Variants in SV2B observed in about 807,000 individuals in gnomAD.
SV2B encodes the protein synaptic vesicle glycoprotein 2B.
Under a neutral mutation model 73.9 loss-of-function variants are expected in SV2B, and 41 were observed. The observed-to-expected ratio is 0.56, with a 90% CI of 0.43 to 0.72. The LOEUF is 0.72. Among genes scored for constraint, SV2B ranks in the 30% least tolerant of loss-of-function variants. The pLI is 0.00. For synonymous variants in SV2B, 314 were observed against 314.2 expected (o/e 1.00, Z 0.01); for missense variants, 764 against 857.8 (o/e 0.89, Z 1.37).
At chr15:91,274,677 C>T (rs916112824) in intron 9 of SV2B, among the ~76,000 whole-genome samples, 2 of 152,018 alleles carry the variant, frequency 1.3e-5, no homozygotes, top group African/African-American at 4.8e-5. Context: ...TTCATCTCAC[C>T]AGCTATTTAG....
chr15:91,204,799 C>T (rs150373165), intron 1 of SV2B, among the ~76,000 whole-genome samples: 28 of 152,132 alleles, frequency 1.8e-4, no homozygotes, highest in African/African-American at 5.5e-4. Context: ...CCAAGTAATC[C>T]GCTCACCTCG....
chr15:91,260,289 T>A (rs2141651390), intron 5 of SV2B, 31 bp from the exon 6 acceptor site: 3 of 1,585,174 alleles, frequency 1.9e-6, no homozygotes, highest in Non-Finnish European at 2.6e-6. Context: ...CAGCAATGAA[T>A]TTTTCCTGTG....
chr15:91,239,303 AAG>A lies in SV2B; in HGVS notation c.452-12514_452-12513del, dbSNP rs1244071741. Among the ~76,000 whole-genome samples, 6 of 151,662 alleles carry A rather than the reference AAG, an allele frequency of 4.0e-5. No individual in the cohort carries two copies. Among genetic ancestry groups the A allele is most frequent in the Non-Finnish European group, 8.8e-5 (6 of 67,930 alleles). ...CTGGGGATGTGCAGAAAATAGTCCAAAGAAGTTTTGTCCTTGCCTTGTCCTCT... is the reference window on the plus strand; with the variant it reads ...CTGGGGATGTGCAGAAAATAGTCCAAAAGTTTTGTCCTTGCCTTGTCCTCT... On this transcript the variant is annotated intron_variant, in intron 2 of 12. Coordinates refer to ENST00000394232, the MANE Select transcript of SV2B (RefSeq NM_001323032.3). The surrounding 1 kb of genome is among the most constrained non-coding windows in gnomAD (Gnocchi z 5.1).
chr15:91,159,091 A>G (rs1865309490), intron 1 of SV2B, among the ~76,000 whole-genome samples: 1 of 152,026 alleles, frequency 6.6e-6, no homozygotes, highest in African/African-American at 2.4e-5. Flanking sequence ...AGCACTAGAA[A>G]TCAGTCTCCA....
chr15:91,143,041 C>T (rs1378767885), intron 1 of SV2B, among the ~76,000 whole-genome samples: 1 of 152,214 alleles, frequency 6.6e-6, no homozygotes, highest in Non-Finnish European at 1.5e-5. Flanking sequence ...CCTGTGACAG[C>T]ACAGCCAGTG....
In SV2B at chr15:91,295,092, A is replaced by G. The variant is rs1321031401; in HGVS notation, c.*2540A>G. ...TTCACTTCATGTTCTACCCCAAGAGACTCCCGATGTCGGCTGTGGAGGGTT... is the reference window on the plus strand; with the variant it reads ...TTCACTTCATGTTCTACCCCAAGAGGCTCCCGATGTCGGCTGTGGAGGGTT... On this transcript the variant is annotated 3_prime_UTR_variant, in exon 13 of 13. Transcript: ENST00000394232. 1 of 152,050 alleles carries G rather than the reference A, an allele frequency of 6.6e-6. No homozygotes were observed. The highest frequency in any genetic ancestry group is 1.9e-4 in the East Asian group (1 of 5,184). The allele number at this position is 152,050 out of a possible 1,614,324, so 9.4% of individuals were successfully genotyped here.
rs1490919598 is a variant in SV2B at position 91,164,270 on chromosome 15, A to G, written c.-391-61603A>G. On this transcript the variant is annotated intron_variant, in intron 1 of 12. Transcript: ENST00000394232. ...ACTACTTTAAAGTTTATGTGGAACC[A>G]AAAAAGAGCCCGCATTGCCAAGACA... Among the ~76,000 whole-genome samples the G allele has an allele frequency of 5.9e-5, 9 of 152,300 alleles. No homozygotes were observed. In the South Asian group the frequency reaches 1.2e-3, roughly 21 times the overall value.
Position 91,169,944 on chromosome 15 carries a change from C to T in SV2B, c.-391-55929C>T, listed in dbSNP as rs142044964. On this transcript the variant is annotated intron_variant, in intron 1 of 12. Transcript: ENST00000394232. ...AGCGGCGCAAATAAGACTGCAAAAG[C>T]AATGTTTAAAATTGACTGAAGAGAA... 2.3e-4 allele frequency among the ~76,000 whole-genome samples: 35 copies of T among 152,284 alleles called. No homozygotes were observed. The East Asian group carries it at 5.8e-3, about 25-fold the overall frequency.
intron 1 of SV2B, among the ~76,000 whole-genome samples, chr15:91,109,500 C>G (rs1246040644): frequency 6.6e-6 from 1 of 152,210 alleles, no homozygotes; most frequent in African/African-American, 2.4e-5. Flanking sequence ...TGCAAATGAA[C>G]ACTGCTAAGG....
Position 91,242,597 on chromosome 15 carries a change from A to T in SV2B, c.452-9222A>T, listed in dbSNP as rs11856509. 0.025 allele frequency among the ~76,000 whole-genome samples: 3,826 copies of T among 152,256 alleles called. 104 individuals are homozygous for T. Among genetic ancestry groups the T allele is most frequent in the East Asian group, 0.097 (504 of 5,174 alleles). ...CGAAGATCTGAACAAAGAACATTCT[A>T]GATAGAGGAAAGAGCAGTGTGAAGA... On this transcript the variant is annotated intron_variant, in intron 2 of 12. Coordinates refer to ENST00000394232, the MANE Select transcript of SV2B (RefSeq NM_001323032.3). This position sits in a 1 kb window ranked among gnomAD's most constrained non-coding sequence, Gnocchi z 4.9.
chr15:91,225,314 T>C (rs1017978060), intron 1 of SV2B, among the ~76,000 whole-genome samples: 1 of 152,188 alleles, frequency 6.6e-6, no homozygotes, highest in Non-Finnish European at 1.5e-5. Flanking sequence ...CCGGCTATTT[T>C]TTTTGGCCAT....
intron 2 of SV2B, among the ~76,000 whole-genome samples, chr15:91,228,844 G>C (rs1401133155): frequency 6.6e-6 from 1 of 152,234 alleles, no homozygotes; most frequent in Middle Eastern, 3.2e-3. Context: ...GATCCAGGGG[G>C]CTGGATGATT....
intron 1 of SV2B, among the ~76,000 whole-genome samples, chr15:91,193,168 G>A (rs1378275143): frequency 2.6e-5 from 4 of 152,160 alleles, no homozygotes; most frequent in African/African-American, 9.7e-5. Context: ...ATTCAGGAGA[G>A]GTGAGCCTGA....
intron 9 of SV2B, among the ~76,000 whole-genome samples, chr15:91,276,805 G>GTTATTATTA (rs3082230): frequency 0.011 from 1,019 of 92,112 alleles, 2 homozygotes; most frequent in Non-Finnish European, 0.014. Context: ...TATTGTTGTT[G>GTTATTATTA]TTATTATTAT....
At chr15:91,292,273 A>G in intron 12 of SV2B, 96 bp from the exon 13 acceptor site, 1 of 1,278,486 alleles carries the variant, frequency 7.8e-7, no homozygotes, top group African/African-American at 1.5e-5. Flanking sequence ...ACTCCCTTGC[A>G]CCCTCTTCCC....
intron 6 of SV2B, among the ~76,000 whole-genome samples, chr15:91,263,335 C>T (rs2047986358): frequency 6.6e-6 from 1 of 151,888 alleles, no homozygotes; most frequent in East Asian, 1.9e-4. Flanking sequence ...GGCACACATA[C>T]AGACACACAT....
rs1273437955 is a variant in SV2B at position 91,281,231 on chromosome 15, C to T, written c.1374-497C>T. Among the ~76,000 whole-genome samples the T allele has an allele frequency of 1.3e-5, 2 of 152,150 alleles. No homozygotes were observed. Among genetic ancestry groups the T allele is most frequent in the African/African-American group, 4.8e-5 (2 of 41,430 alleles). On this transcript the variant is annotated intron_variant, in intron 9 of 12. Transcript: ENST00000394232. This position sits in a 1 kb window ranked among gnomAD's most constrained non-coding sequence, Gnocchi z 4.7. ...TTTGCAAAATTGCTCCCCAAAGAGGCTGCATGGATTATATTCTACCAATAG... is the reference window on the plus strand; with the variant it reads ...TTTGCAAAATTGCTCCCCAAAGAGGTTGCATGGATTATATTCTACCAATAG...
At chr15:91,158,202 GT>G (rs2043556289) in intron 1 of SV2B, among the ~76,000 whole-genome samples, 1 of 152,198 alleles carries the variant, frequency 6.6e-6, no homozygotes, top group Non-Finnish European at 1.5e-5. Flanking sequence ...CTCTGCCCTT[GT>G]TGGGTGTCTT....
At position 91,140,501 on chromosome 15, in the gene SV2B, C is replaced by T. The variant is rs17515963; in HGVS notation, c.-392+40138C>T. Among the ~76,000 whole-genome samples, 1 of 152,090 alleles carries T rather than the reference C, an allele frequency of 6.6e-6. No homozygotes were observed. The highest frequency in any genetic ancestry group is 1.9e-4 in the East Asian group (1 of 5,190). ...AATTCGTGGAGTTCCTCCAAATGAA[C>T]TTCCCACACACTTCTGGCTGAAACT... On this transcript the variant is annotated intron_variant, in intron 1 of 12. Transcript: ENST00000394232. This position sits in a 1 kb window ranked among gnomAD's most constrained non-coding sequence, Gnocchi z 4.4.
Sources: gnomAD v4.1 joint callset for allele counts (sites outside exome capture counted in the v4.1 genomes callset) on GRCh38, gnomAD v4.1.1 for gene constraint, Gnocchi (gnomAD v3.1) non-coding constraint, MANE v1.5 for transcripts, NCBI Gene and HGNC (gene_info 2026-07-23, HGNC 2026-07-21) for gene names.